The following C9 variants were observed in gnomAD, a reference collection of about 807,000 sequenced individuals.
C9 encodes complement component C9.
Under a neutral mutation model 65.4 loss-of-function variants are expected in C9, and 63 were observed. The observed-to-expected ratio is 0.96, with a 90% CI of 0.79 to 1.19. C9 has a LOEUF of 1.19. Among genes scored for constraint, C9 ranks in the 50% most tolerant of loss-of-function variants. C9 has a pLI of 0.00. For missense variants in C9, 744 were observed against 670.1 expected (o/e 1.11, Z -1.22); for synonymous variants, 229 against 227.9 (o/e 1.00, Z -0.04).
At chr5:39,349,074 TGAC>T (rs1376774682) in intron 1 of C9, among the ~76,000 whole-genome samples, 5 of 151,496 alleles carry the variant, frequency 3.3e-5, no homozygotes, top group African/African-American at 1.2e-4. Context: ...CCAATGTAAA[TGAC>T]GAGTTAATGG....
At chr5:39,354,906 A>T (rs1754388656) in intron 1 of C9, among the ~76,000 whole-genome samples, 1 of 152,212 alleles carries the variant, frequency 6.6e-6, no homozygotes, top group Non-Finnish European at 1.5e-5. Context: ...TTACACTAGG[A>T]GGTAAAGGAA....
chr5:39,284,829 C>T lies in C9; in HGVS notation c.*370G>A, dbSNP rs1752960969. On this transcript the variant is annotated 3_prime_UTR_variant, in exon 11 of 11. Transcript: ENST00000263408. ...CATGGTACAGACGTGTGGTCATGGA[C>T]CTGGCAGAATATGTTAACCATACAA... 7.3e-6 allele frequency: 2 copies of T among 272,186 alleles called. No individual in the cohort carries two copies. Among genetic ancestry groups the T allele is most frequent in the Non-Finnish European group, 7.1e-6 (1 of 141,712 alleles). 16.9% of individuals were successfully genotyped at this position (272,186 alleles called of 1,614,324 possible). A position where few individuals can be genotyped will look rare whatever the true frequency, so the allele number is the denominator to read the frequency against.
chr5:39,288,900 T>C lies in C9; in HGVS notation c.1468A>G (p.Lys490Glu), dbSNP rs1351210240. The C allele has an allele frequency of 1.2e-6, 2 of 1,611,672 alleles. No individual in the cohort carries two copies. Among genetic ancestry groups the C allele is most frequent in the Admixed American group, 1.7e-5 (1 of 59,820 alleles). Residue 490 changes from lysine (K) to glutamate (E), a missense_variant, in exon 10 of 11, where the codon AAG becomes GAG. Lys to Glu is a moderately conservative substitution (Grantham distance 56). Transcript: ENST00000263408. Reference sequence around the variant, plus strand: ...ATGGCTCTTTCCAAGTTTTGTTTCTTTAGGTGTGCATTTTTCATTTTCACT... The same window carrying C: ...ATGGCTCTTTCCAAGTTTTGTTTCTCTAGGTGTGCATTTTTCATTTTCACT... Reference protein sequence around the residue: ...VPVKMKNAHLKKQNLERAIED... With the variant: ...VPVKMKNAHLEKQNLERAIED...
At chr5:39,289,370 T>G (rs958659454) in intron 9 of C9, among the ~76,000 whole-genome samples, 2 of 151,764 alleles carry the variant, frequency 1.3e-5, no homozygotes, top group Admixed American at 6.6e-5. Flanking sequence ...ATCTCTTGCC[T>G]AAGAGGAGGT....
At chr5:39,359,008 T>TTA (rs1561357621) in intron 1 of C9, among the ~76,000 whole-genome samples, 31 of 52,970 alleles carry the variant, frequency 5.9e-4, no homozygotes, top group African/African-American at 2.8e-3. Flanking sequence ...AATAAATAAA[T>TTA]AAATAAAAAA....
At chr5:39,314,448 T>C (rs113635678) in intron 6 of C9, among the ~76,000 whole-genome samples, 15,201 of 151,390 alleles carry the variant, frequency 0.1, 915 homozygotes, top group African/African-American at 0.16. Context: ...AAAATCTATC[T>C]CAAAATAAAT....
chr5:39,359,484 A>C (rs1754477260), intron 1 of C9, among the ~76,000 whole-genome samples: 1 of 152,104 alleles, frequency 6.6e-6, no homozygotes. Flanking sequence ...TGTTGTCAGA[A>C]TATAAGAGGG....
chr5:39,338,729 G>A (rs1313905018), intron 4 of C9, among the ~76,000 whole-genome samples: 1 of 152,126 alleles, frequency 6.6e-6, no homozygotes, highest in Non-Finnish European at 1.5e-5. Context: ...TTCTTACACA[G>A]CCTTGAAGAC....
chr5:39,327,775 A>G (rs1293419100), intron 5 of C9, among the ~76,000 whole-genome samples: 1 of 152,168 alleles, frequency 6.6e-6, no homozygotes, highest in Non-Finnish European at 1.5e-5. Context: ...ATCACTTAAG[A>G]AGAATATATA....
chr5:39,345,036 A>G (rs1265812211), intron 1 of C9, among the ~76,000 whole-genome samples: 1 of 152,354 alleles, frequency 6.6e-6, no homozygotes, highest in East Asian at 1.9e-4. Context: ...AAACATGAAA[A>G]GAAACAACCA....
chr5:39,319,354 T>TGCCAG (rs1419073236), intron 5 of C9, among the ~76,000 whole-genome samples: 7 of 152,244 alleles, frequency 4.6e-5, no homozygotes, highest in Non-Finnish European at 8.8e-5. Flanking sequence ...GCTTAACCAG[T>TGCCAG]GCCAGGCCAG....
intron 5 of C9, among the ~76,000 whole-genome samples, chr5:39,317,859 G>T (rs112051062): frequency 0.097 from 14,266 of 146,898 alleles, 806 homozygotes; most frequent in African/African-American, 0.16. Context: ...TTTTAAAATG[G>T]TTTTTTTTTT....
At chr5:39,346,805 T>A (rs1056851446) in intron 1 of C9, among the ~76,000 whole-genome samples, 1 of 152,014 alleles carries the variant, frequency 6.6e-6, no homozygotes, top group African/African-American at 2.4e-5. Flanking sequence ...CAGCAACACA[T>A]CAAAAAGCTT....
chr5:39,308,170 A>T, intron 8 of C9, 60 bp downstream of exon 8: 1 of 1,429,990 alleles, frequency 7.0e-7, no homozygotes, highest in Non-Finnish European at 9.9e-7. Flanking sequence ...GCAAGAGGGC[A>T]GTGCTCATTG....
In C9 at chr5:39,308,225, C is replaced by A. The variant is rs771063043; in HGVS notation, c.1240+5G>T. ...ATAAAATCTAACAAGTGAGGCCACA[C>A]TTACCAGCTCTACCCTCTCCCCTCT... On this transcript the variant is annotated splice_donor_5th_base_variant and intron_variant, in intron 8 of 10. Transcript: ENST00000263408. 5.7e-5 allele frequency: 92 copies of A among 1,612,898 alleles called. No individual in the cohort carries two copies. The highest frequency in any genetic ancestry group is 7.6e-5 in the Non-Finnish European group (90 of 1,179,094).
At chr5:39,337,097 C>T (rs994973880) in intron 4 of C9, among the ~76,000 whole-genome samples, 13 of 152,058 alleles carry the variant, frequency 8.5e-5, no homozygotes, top group African/African-American at 2.9e-4. Flanking sequence ...GGAGAATGGG[C>T]CTGACAGCTT....
chr5:39,333,700 G>A lies in C9; in HGVS notation c.477-1886C>T, dbSNP rs1384502379. Among the ~76,000 whole-genome samples the A allele has an allele frequency of 2.7e-5, 4 of 149,210 alleles. No homozygotes were observed. In the Admixed American group the frequency reaches 2.7e-4, roughly 10 times the overall value. ...TGTACTGCCGCCATCTTGGCTCACT[G>A]CAGCCTCCCTGCCTGATTCTCCTGC... On this transcript the variant is annotated intron_variant, in intron 4 of 10. Transcript: ENST00000263408.
chr5:39,315,505 G>T (rs1026546956), intron 6 of C9, among the ~76,000 whole-genome samples: 3 of 152,128 alleles, frequency 2.0e-5, no homozygotes, highest in South Asian at 2.1e-4. Flanking sequence ...AAATTGAATG[G>T]TATATTACCA....
At chr5:39,307,987 A>G (rs1363353895) in intron 8 of C9, among the ~76,000 whole-genome samples, 5 of 152,236 alleles carry the variant, frequency 3.3e-5, no homozygotes, top group Non-Finnish European at 7.3e-5. Flanking sequence ...CAAGTCTAAA[A>G]TGACTACCGT....
Sources: allele counts gnomAD v4.1 joint callset (sites outside exome capture counted in the v4.1 genomes callset), GRCh38; gene constraint gnomAD v4.1.1; transcripts MANE v1.5; gene names NCBI Gene and HGNC (gene_info 2026-07-23, HGNC 2026-07-21).